SLC6A15: variants seen among roughly 807,000 people sequenced by gnomAD.
The protein encoded by SLC6A15 is sodium-dependent neutral amino acid transporter B(0)AT2.
A neutral mutation model predicts 68.5 loss-of-function variants in SLC6A15; 33 were observed. That is an observed-to-expected ratio of 0.48 (90% CI 0.37 to 0.64). The LOEUF (loss-of-function observed/expected upper bound fraction) is 0.64, where lower values mean the gene tolerates loss of function less well. Among genes scored for constraint, SLC6A15 ranks in the 30% least tolerant of loss-of-function variants. The pLI, the probability that SLC6A15 is intolerant of heterozygous loss-of-function variation, is 0.00. For synonymous variants in SLC6A15, 347 were observed against 301.0 expected (o/e 1.15, Z -1.58); for missense variants, 747 against 874.3 (o/e 0.85, Z 1.84).
intron 11 of SLC6A15, 70 bp from the exon 12 acceptor site, chr12:84,862,076 G>A (rs1405541989): frequency 4.9e-6 from 7 of 1,437,680 alleles, no homozygotes; most frequent in Non-Finnish European, 6.5e-6. Flanking sequence ...TATTGTACTT[G>A]CTTCAAGTTT....
At chr12:84,865,337 G>C (rs1482920041) in intron 10 of SLC6A15, among the ~76,000 whole-genome samples, 1 of 152,168 alleles carries the variant, frequency 6.6e-6, no homozygotes, top group Non-Finnish European at 1.5e-5. Context: ...GCAAAATTGA[G>C]CTGAAAGTAG....
chr12:84,873,574 T>C (rs1871385038), intron 6 of SLC6A15, among the ~76,000 whole-genome samples: 1 of 152,196 alleles, frequency 6.6e-6, no homozygotes, highest in South Asian at 2.1e-4. Flanking sequence ...ACTTACATGG[T>C]GGTTTTTAAA....
In SLC6A15 at chr12:84,859,665, G is replaced by A. The variant is rs1156303490; in HGVS notation, c.*1967C>T. 2 of 151,890 alleles carry A rather than the reference G, an allele frequency of 1.3e-5. No individual in the cohort carries two copies. Among genetic ancestry groups the A allele is most frequent in the East Asian group, 3.9e-4 (2 of 5,172 alleles). 9.4% of individuals were successfully genotyped at this position (151,890 alleles called of 1,614,324 possible). ...ATTGTGTTACGGTTAAAGTCTGGCA[G>A]GTTAAGTATTAAAGATTAGGGTACC... is the stretch of plus-strand genomic sequence containing the variant. On this transcript the variant is annotated 3_prime_UTR_variant, in exon 12 of 12. Coordinates refer to ENST00000266682, the MANE Select transcript of SLC6A15 (RefSeq NM_182767.6).
chr12:84,873,138 A>G lies in SLC6A15; in HGVS notation c.1058T>C (p.Phe353Ser). The G allele has an allele frequency of 5.0e-6, 8 of 1,614,122 alleles. No individual in the cohort carries two copies. The highest frequency in any genetic ancestry group is 6.8e-6 in the Non-Finnish European group (8 of 1,179,994). ...FTSVLATLVV[F>S]AVLGFKANVI... ...ATTTGCTTTGAAGCCCAGAACTGCA[A>G]ACACCACCAATGTTGCCAGGACAGA... The change falls in exon 7 of 12, where the codon TTT becomes TCT. Residue 353 changes from phenylalanine (F) to serine (S), a missense_variant. Coordinates refer to ENST00000266682, the MANE Select transcript of SLC6A15 (RefSeq NM_182767.6).
chr12:84,894,177 GAAAT>G (rs1039054280), intron 1 of SLC6A15, among the ~76,000 whole-genome samples: 1 of 152,006 alleles, frequency 6.6e-6, no homozygotes, highest in African/African-American at 2.4e-5. Flanking sequence ...TTGAAAAACT[GAAAT>G]AAACAAATTT....
At chr12:84,909,329 C>T (rs1220036449) in intron 1 of SLC6A15, among the ~76,000 whole-genome samples, 2 of 152,164 alleles carry the variant, frequency 1.3e-5, no homozygotes, top group African/African-American at 2.4e-5. Flanking sequence ...ACCTTCAAGG[C>T]TGAACACAAC....
At chr12:84,891,198 C>T (rs978834916) in intron 2 of SLC6A15, among the ~76,000 whole-genome samples, 3 of 151,980 alleles carry the variant, frequency 2.0e-5, no homozygotes, top group Admixed American at 1.3e-4. Context: ...ATTAAGGTTG[C>T]TAATTTCTTT....
intron 5 of SLC6A15, chr12:84,881,811 G>A (rs2120624477): frequency 1.0e-6 from 1 of 972,846 alleles, no homozygotes; most frequent in South Asian, 4.7e-5. Flanking sequence ...TCCTCATAAA[G>A]TCATTGTTAT....
rs1870816959 is a variant in SLC6A15, at chr12:84,860,896, G to A, written c.*736C>T. The A allele has an allele frequency of 1.3e-5, 2 of 151,952 alleles. No individual in the cohort carries two copies. Among genetic ancestry groups the A allele is most frequent in the Non-Finnish European group, 1.5e-5 (1 of 67,970 alleles). The allele number at this position is 151,952 out of a possible 1,614,324, so 9.4% of individuals were successfully genotyped here. Reference sequence around the variant, plus strand: ...ATATCAAGTAGGTTTTTAGGCACACGGCATAAGAAAAATGCAGAATCTGCA... The same window carrying A: ...ATATCAAGTAGGTTTTTAGGCACACAGCATAAGAAAAATGCAGAATCTGCA... On this transcript the variant is annotated 3_prime_UTR_variant, in exon 12 of 12. Coordinates refer to ENST00000266682, the MANE Select transcript of SLC6A15 (RefSeq NM_182767.6).
At chr12:84,891,805 A>G (rs758431682) in intron 2 of SLC6A15, 27 bp downstream of exon 2, 52 of 1,584,460 alleles carry the variant, frequency 3.3e-5, no homozygotes, top group Middle Eastern at 1.7e-4. Context: ...TTACTACAGT[A>G]ATTTATCACT....
chr12:84,865,937 T>C (rs1415366462), intron 10 of SLC6A15, among the ~76,000 whole-genome samples: 1 of 152,212 alleles, frequency 6.6e-6, no homozygotes, highest in Non-Finnish European at 1.5e-5. Flanking sequence ...TTTCAACTCC[T>C]TTGGGTAAAT....
intron 1 of SLC6A15, among the ~76,000 whole-genome samples, chr12:84,907,319 G>A (rs1446183653): frequency 1.3e-5 from 2 of 151,934 alleles, no homozygotes; most frequent in East Asian, 3.9e-4. Context: ...CTGAACTCCA[G>A]CCTGGGCCAC....
At chr12:84,888,257 T>A (rs1299157783) in intron 2 of SLC6A15, among the ~76,000 whole-genome samples, 2 of 130,020 alleles carry the variant, frequency 1.5e-5, no homozygotes, top group Non-Finnish European at 3.1e-5. Flanking sequence ...GAGTGAGACC[T>A]TGTCGAAAAA....
intron 8 of SLC6A15, 53 bp from the exon 9 acceptor site, chr12:84,870,723 G>T: frequency 1.8e-6 from 2 of 1,112,232 alleles, no homozygotes; most frequent in Non-Finnish European, 2.5e-6. Flanking sequence ...TTAAACAATG[G>T]CTCTATATGT....
At chr12:84,871,613 A>AAT (rs1309248780) in intron 8 of SLC6A15, among the ~76,000 whole-genome samples, 1 of 152,278 alleles carries the variant, frequency 6.6e-6, no homozygotes, top group East Asian at 1.9e-4. Context: ...ATTAGTAATT[A>AAT]ATTAAATATT....
intron 1 of SLC6A15, among the ~76,000 whole-genome samples, chr12:84,900,323 A>G (rs1406290786): frequency 6.6e-6 from 1 of 152,048 alleles, no homozygotes; most frequent in Non-Finnish European, 1.5e-5. Context: ...GTTTCTGCCC[A>G]CAAAGATGCT....
At position 84,895,339 on chromosome 12, in the gene SLC6A15, ATTTTTTTTTTTT is replaced by A. The variant is rs67339994; in HGVS notation, c.-188-3043_-188-3032del. Among the ~76,000 whole-genome samples the A allele has an allele frequency of 7.3e-3, 402 of 54,786 alleles. 3 individuals carry two copies. Among genetic ancestry groups the A allele is most frequent in the Middle Eastern group, 0.038 (2 of 52 alleles). The allele number at this position is 54,786 out of a possible 152,430, so 35.9% of individuals were successfully genotyped here. On this transcript the variant is annotated intron_variant, in intron 1 of 11. Coordinates refer to ENST00000266682, the MANE Select transcript of SLC6A15 (RefSeq NM_182767.6). The stretch of plus-strand genomic sequence containing the variant: ...CTTAGATGTTTTCATTTTTGTTTGT[ATTTTTTTTTTTT>A]TTTTTTTTTTTTTTTTGAGATGGAG...
At chr12:84,873,570 A>G (rs1188357548) in intron 6 of SLC6A15, among the ~76,000 whole-genome samples, 1 of 152,186 alleles carries the variant, frequency 6.6e-6, no homozygotes, top group African/African-American at 2.4e-5. Flanking sequence ...TTCTACTTAC[A>G]TGGTGGTTTT....
intron 9 of SLC6A15, among the ~76,000 whole-genome samples, chr12:84,868,830 A>C (rs60354812): frequency 0.18 from 27,214 of 152,014 alleles, 3,105 homozygotes; most frequent in African/African-American, 0.32. Context: ...TTTTTCCTTA[A>C]CCTGCAAGCC....
Sources: gnomAD v4.1 joint callset for allele counts (sites outside exome capture counted in the v4.1 genomes callset) on GRCh38, gnomAD v4.1.1 for gene constraint, MANE v1.5 for transcripts, NCBI Gene and HGNC (gene_info 2026-07-23, HGNC 2026-07-21) for gene names.